Variants in PCDHGA3 observed in about 807,000 individuals in gnomAD.
PCDHGA3 encodes protocadherin gamma subfamily A, 3, also known as protocadherin gamma-A3.
Under a neutral mutation model 58.5 loss-of-function variants are expected in PCDHGA3, and 40 were observed. The ratio of observed to expected loss-of-function variants is 0.68; its 90% CI spans 0.53 to 0.89. PCDHGA3 has a LOEUF of 0.89. PCDHGA3 is among the 40% of genes least tolerant of loss of function. The pLI, the probability that PCDHGA3 is intolerant of heterozygous loss-of-function variation, is 0.00. For missense variants in PCDHGA3, 1,223 were observed against 1,195.9 expected, an observed-to-expected ratio of 1.02 and a Z score of -0.33; for synonymous variants, 530 against 525.7, an observed-to-expected ratio of 1.01 and a Z score of -0.11.
At position 141,485,286 on chromosome 5, in the gene PCDHGA3, A is replaced by G; in HGVS notation, c.2425-9521A>G. The G allele has an allele frequency of 2.5e-6, 4 of 1,614,044 alleles. No individual in the cohort carries two copies. On this transcript the variant is annotated intron_variant, in intron 1 of 3. Transcript: ENST00000253812. This position sits in a 1 kb window ranked among gnomAD's most constrained non-coding sequence, Gnocchi z 5.7. ...CAGATCCGCTACCCGGTCCCAGAGG[A>G]GTCACAGGAAGGGACTTTTGTAGGG...
In PCDHGA3 at chr5:141,485,068, T is replaced by C; in HGVS notation, c.2425-9739T>C. On this transcript the variant is annotated intron_variant, in intron 1 of 3. Transcript: ENST00000253812. The surrounding 1 kb of genome is among the most constrained non-coding windows in gnomAD (Gnocchi z 5.7). ...GGCGCCGGCCGAACCGCGCCAGAGCTGGCGCGGGGAAAGGGAGATAGGTGT... is the reference window on the plus strand; with the variant it reads ...GGCGCCGGCCGAACCGCGCCAGAGCCGGCGCGGGGAAAGGGAGATAGGTGT... 1 of 896,972 alleles carries C rather than the reference T, an allele frequency of 1.1e-6. No homozygotes were observed. The highest frequency in any genetic ancestry group is 1.6e-5 in the South Asian group (1 of 61,812). The allele number at this position is 896,972 out of a possible 1,614,324, so 55.6% of individuals were successfully genotyped here. A position where few individuals can be genotyped will look rare whatever the true frequency, so the allele number is the denominator to read the frequency against.
intron 1 of PCDHGA3, among the ~76,000 whole-genome samples, chr5:141,492,927 G>A (rs925569925): frequency 2.0e-5 from 3 of 152,180 alleles, no homozygotes; most frequent in Admixed American, 6.5e-5. Context: ...AGCGATCTAG[G>A]GTCAGAGATT....
intron 1 of PCDHGA3, chr5:141,420,184 A>G: frequency 5.0e-6 from 8 of 1,613,990 alleles, no homozygotes; most frequent in Non-Finnish European, 6.8e-6. Context: ...ATCATTGTCC[A>G]GCCACACAAG....
intron 1 of PCDHGA3, among the ~76,000 whole-genome samples, chr5:141,401,627 G>A (rs998564450): frequency 6.6e-6 from 1 of 152,176 alleles, no homozygotes; most frequent in African/African-American, 2.4e-5. Flanking sequence ...TTGTCTTATC[G>A]TTTGGAGCTT....
At chr5:141,436,425 G>A (rs2097823674) in intron 1 of PCDHGA3, among the ~76,000 whole-genome samples, 2 of 152,268 alleles carry the variant, frequency 1.3e-5, no homozygotes, top group Non-Finnish European at 2.9e-5. Context: ...AACAAATAAT[G>A]TACTCTGGGG....
intron 2 of PCDHGA3, among the ~76,000 whole-genome samples, chr5:141,504,794 A>G (rs2099841154): frequency 6.6e-6 from 1 of 151,718 alleles, no homozygotes; most frequent in African/African-American, 2.4e-5. Flanking sequence ...GGCCTCCTAC[A>G]TCTCCCCCTA....
At chr5:141,376,143 C>T (rs968258270) in intron 1 of PCDHGA3, 3 of 1,613,858 alleles carry the variant, frequency 1.9e-6, no homozygotes, top group East Asian at 2.2e-5. Flanking sequence ...CCCAACGATT[C>T]GGACCTCACT....
intron 1 of PCDHGA3, among the ~76,000 whole-genome samples, chr5:141,452,689 C>G (rs1198702467): frequency 6.6e-6 from 1 of 151,562 alleles, no homozygotes; most frequent in Non-Finnish European, 1.5e-5. Context: ...AGAATGAAAC[C>G]CTGTCAAGAA....
In PCDHGA3 at chr5:141,374,191, C is replaced by T. The variant is rs780279453; in HGVS notation, c.2424+27734C>T. 3.7e-6 allele frequency: 6 copies of T among 1,613,664 alleles called. No individual in the cohort carries two copies. In the East Asian group the frequency reaches 1.1e-4, roughly 30 times the overall value. Reference sequence around the variant, plus strand: ...CAGCGCAGATCCGCTACTCTATTCCCGAGGAGCTGGAGAAAGGCTCCTTCG... The same window carrying T: ...CAGCGCAGATCCGCTACTCTATTCCTGAGGAGCTGGAGAAAGGCTCCTTCG... On this transcript the variant is annotated intron_variant, in intron 1 of 3. Transcript: ENST00000253812.
At chr5:141,447,725 C>G (rs1009407606) in intron 1 of PCDHGA3, among the ~76,000 whole-genome samples, 4 of 152,174 alleles carry the variant, frequency 2.6e-5, no homozygotes, top group African/African-American at 9.7e-5. Context: ...TTTTCCAAAA[C>G]TCATTGAACT....
At chr5:141,346,594 C>T in intron 1 of PCDHGA3, 137 bp downstream of exon 1, 1 of 1,309,508 alleles carries the variant, frequency 7.6e-7, no homozygotes, top group Non-Finnish European at 1.0e-6. Context: ...GTCCCCCTTT[C>T]TTTCTGGGCC....
intron 1 of PCDHGA3, chr5:141,357,194 C>A (rs2149794911): frequency 6.2e-7 from 1 of 1,613,764 alleles, no homozygotes. Flanking sequence ...GTGGCTGTGG[C>A]CGACAGCATC....
At chr5:141,402,639 A>C (rs886333954) in intron 1 of PCDHGA3, among the ~76,000 whole-genome samples, 2 of 152,250 alleles carry the variant, frequency 1.3e-5, no homozygotes. Flanking sequence ...ATCTAAAATC[A>C]TAATTAGAAG....
intron 1 of PCDHGA3, among the ~76,000 whole-genome samples, chr5:141,406,540 A>C (rs1180847016): frequency 6.6e-6 from 1 of 152,216 alleles, no homozygotes; most frequent in Non-Finnish European, 1.5e-5. Context: ...ACGAAGATTC[A>C]AACTTCAGTT....
At chr5:141,438,487 G>T (rs1030201971) in intron 1 of PCDHGA3, among the ~76,000 whole-genome samples, 9 of 150,284 alleles carry the variant, frequency 6.0e-5, no homozygotes, top group African/African-American at 2.2e-4. Flanking sequence ...GTCTCTTGGA[G>T]AAAAAAGAAT....
chr5:141,389,726 C>T (rs150721796), intron 1 of PCDHGA3: 77,154 of 1,612,710 alleles, frequency 0.048, 2,225 homozygotes, highest in Non-Finnish European at 0.054. Context: ...AGCCCGGGCT[C>T]TTCAGCCTGG....
At chr5:141,352,310 C>T (rs1323195949) in intron 1 of PCDHGA3, 3 of 1,614,086 alleles carry the variant, frequency 1.9e-6, no homozygotes, top group Non-Finnish European at 2.5e-6. Flanking sequence ...CCAGACGGAA[C>T]TGCAGTTTTA....
intron 1 of PCDHGA3, chr5:141,376,115 C>A: frequency 1.2e-6 from 2 of 1,613,870 alleles, no homozygotes; most frequent in Non-Finnish European, 8.5e-7. Flanking sequence ...CCTGGGCAGC[C>A]TCGAGCCCTC....
intron 1 of PCDHGA3, chr5:141,371,810 G>A (rs374995933): frequency 5.6e-6 from 9 of 1,613,756 alleles, no homozygotes; most frequent in Middle Eastern, 1.6e-4. Context: ...CCTCCATTGC[G>A]CATGTCAGAG....
Sources: gnomAD v4.1 joint callset for allele counts (sites outside exome capture counted in the v4.1 genomes callset) on GRCh38, gnomAD v4.1.1 for gene constraint, Gnocchi (gnomAD v3.1) non-coding constraint, MANE v1.5 for transcripts, NCBI Gene and HGNC (gene_info 2026-07-23, HGNC 2026-07-21) for gene names.